The following TENM4 variants were observed in gnomAD, a reference collection of about 807,000 sequenced individuals.
TENM4 encodes the protein teneurin transmembrane protein 4.
TENM4 carries 82 observed loss-of-function variants against 243.3 expected under a neutral mutation model. The ratio of observed to expected loss-of-function variants is 0.34; its 90% CI spans 0.28 to 0.40. The LOEUF (loss-of-function observed/expected upper bound fraction) is 0.40. TENM4 is among the 10% of genes least tolerant of loss of function. The pLI, the probability that TENM4 is intolerant of heterozygous loss-of-function variation, is 1.00. For missense variants in TENM4, 3,138 were observed against 3,673.3 expected, an observed-to-expected ratio of 0.85 and a Z score of 3.77; for synonymous variants, 1,412 against 1,456.3, an observed-to-expected ratio of 0.97 and a Z score of 0.69.
At chr11:79,188,213 C>T (rs1863412230) in intron 3 of TENM4, among the ~76,000 whole-genome samples, 1 of 152,204 alleles carries the variant, frequency 6.6e-6, no homozygotes. Flanking sequence ...ATGACTCTCA[C>T]TTGTCATGGG....
chr11:79,343,137 A>G (rs528887999), intron 1 of TENM4, among the ~76,000 whole-genome samples: 10 of 152,188 alleles, frequency 6.6e-5, no homozygotes. Flanking sequence ...GCACAAGGGG[A>G]TGGGAATGAG....
At chr11:79,045,061 C>A (rs1192308160) in intron 6 of TENM4, among the ~76,000 whole-genome samples, 1 of 152,178 alleles carries the variant, frequency 6.6e-6, no homozygotes, top group Non-Finnish European at 1.5e-5. Flanking sequence ...TTCTTCACTC[C>A]CCAGAGAAAC....
intron 6 of TENM4, among the ~76,000 whole-genome samples, chr11:78,925,286 G>T (rs1031095222): frequency 2.6e-5 from 4 of 151,350 alleles, no homozygotes; most frequent in African/African-American, 7.3e-5. Context: ...CTATCCATCA[G>T]CATTTTAGCT....
At chr11:78,684,073 A>C (rs374190968) in intron 29 of TENM4, among the ~76,000 whole-genome samples, 4 of 152,172 alleles carry the variant, frequency 2.6e-5, no homozygotes, top group East Asian at 3.9e-4. Flanking sequence ...TGTCCTGTAC[A>C]CCCCTCAGCC....
In TENM4 at chr11:78,658,506, T is replaced by C. The variant is rs200925721; in HGVS notation, c.7862A>G (p.Lys2621Arg). The C allele has an allele frequency of 1.7e-4, 282 of 1,613,906 alleles. 1 individual carries two copies. Among genetic ancestry groups the C allele is most frequent in the Non-Finnish European group, 2.2e-4 (254 of 1,179,906 alleles). The part of the protein sequence containing the change: ...IDGVDTHYFV[K>R]PGPSEGDLAI... ...CAGGTCACCTTCTGAAGGTCCTGGT[T>C]TCACAAAGTAATGGGTATCCACCCC... Residue 2621 changes from lysine to arginine, a missense_variant, in exon 34 of 34, where the codon AAA becomes AGA. By Grantham distance (26) the Lys-to-Arg change is conservative. Transcript: ENST00000278550.
chr11:79,265,936 T>C (rs1230371158), intron 2 of TENM4, among the ~76,000 whole-genome samples: 1 of 152,210 alleles, frequency 6.6e-6, no homozygotes, highest in Non-Finnish European at 1.5e-5. Flanking sequence ...GCCTTTCTTC[T>C]CATTTCCTAC....
At chr11:78,878,903 C>A (rs1859338743) in intron 9 of TENM4, among the ~76,000 whole-genome samples, 1 of 152,244 alleles carries the variant, frequency 6.6e-6, no homozygotes, top group African/African-American at 2.4e-5. Flanking sequence ...AGCTGGAATA[C>A]AATGATACAG....
At chr11:79,409,101 TGC>T (rs377309749) in intron 1 of TENM4, among the ~76,000 whole-genome samples, 9,083 of 103,146 alleles carry the variant, frequency 0.088, 281 homozygotes, top group East Asian at 0.13. Flanking sequence ...TGTGTGTGTG[TGC>T]GCGCGCGCGC....
chr11:78,982,472 C>A (rs375875504), intron 6 of TENM4, among the ~76,000 whole-genome samples: 64 of 152,248 alleles, frequency 4.2e-4, no homozygotes, highest in African/African-American at 1.5e-3. Context: ...CTGGCTGACA[C>A]CCTGGGCGCA....
chr11:78,846,312 T>G (rs551560803), intron 12 of TENM4, among the ~76,000 whole-genome samples: 2 of 152,354 alleles, frequency 1.3e-5, no homozygotes, highest in African/African-American at 4.8e-5. Flanking sequence ...ATTTGATGAT[T>G]GTATTTAAAC....
At chr11:78,724,935 G>T (rs185143183) in intron 23 of TENM4, among the ~76,000 whole-genome samples, 2 of 152,224 alleles carry the variant, frequency 1.3e-5, no homozygotes, top group African/African-American at 4.8e-5. Flanking sequence ...GGAGCACAGA[G>T]AGAGAGGAGC....
intron 2 of TENM4, among the ~76,000 whole-genome samples, chr11:79,283,233 C>G (rs1468701401): frequency 6.6e-6 from 1 of 151,408 alleles, no homozygotes; most frequent in African/African-American, 2.4e-5. Flanking sequence ...CACACACACA[C>G]ACACACACAC....
At chr11:79,346,308 T>C (rs1857325206) in intron 1 of TENM4, among the ~76,000 whole-genome samples, 1 of 152,164 alleles carries the variant, frequency 6.6e-6, no homozygotes, top group African/African-American at 2.4e-5. Context: ...AAGTCTCTTC[T>C]CCTTTCCACC....
chr11:79,235,675 A>G (rs1022921808), intron 2 of TENM4, among the ~76,000 whole-genome samples: 2 of 152,180 alleles, frequency 1.3e-5, no homozygotes, highest in Admixed American at 1.3e-4. Flanking sequence ...CTATAAATAC[A>G]TCAACGTATG....
intron 4 of TENM4, among the ~76,000 whole-genome samples, chr11:79,124,887 A>ATGTGTGTGTG (rs750326710): frequency 0.071 from 5,270 of 73,806 alleles, 158 homozygotes; most frequent in Non-Finnish European, 0.12. Flanking sequence ...ATATATGTAT[A>ATGTGTGTGTG]TGTATATGTG....
chr11:78,908,611 T>C (rs1245835535), intron 6 of TENM4, among the ~76,000 whole-genome samples: 59 of 152,232 alleles, frequency 3.9e-4, no homozygotes, highest in Admixed American at 3.9e-3. Flanking sequence ...CTAGGAGCTC[T>C]AGTCGCAGGA....
At chr11:78,799,786 G>A (rs1857243641) in intron 15 of TENM4, among the ~76,000 whole-genome samples, 1 of 152,214 alleles carries the variant, frequency 6.6e-6, no homozygotes, top group South Asian at 2.1e-4. Context: ...CCCGCAGCAT[G>A]AGCATTTTAC....
At chr11:79,043,765 C>T (rs2572954) in intron 6 of TENM4, among the ~76,000 whole-genome samples, 57 of 152,172 alleles carry the variant, frequency 3.7e-4, no homozygotes, top group African/African-American at 1.3e-3. Context: ...ACATGAGATC[C>T]GGAGTCAAAA....
At chr11:79,179,195 C>T (rs1389824541) in intron 3 of TENM4, among the ~76,000 whole-genome samples, 1 of 152,242 alleles carries the variant, frequency 6.6e-6, no homozygotes. Context: ...TACCTCACAA[C>T]GTTTGCAAGA....
Sources: allele counts gnomAD v4.1 joint callset (sites outside exome capture counted in the v4.1 genomes callset), GRCh38; gene constraint gnomAD v4.1.1; transcripts MANE v1.5; gene names NCBI Gene and HGNC (gene_info 2026-07-23, HGNC 2026-07-21).